The following MCTP2 variants were observed in gnomAD, a reference collection of about 807,000 sequenced individuals.
MCTP2 encodes the protein multiple C2 and transmembrane domain containing 2.
A neutral mutation model predicts 111.6 loss-of-function variants in MCTP2; 132 were observed. The observed-to-expected ratio is 1.18, with a 90% CI of 1.03 to 1.37. The LOEUF (loss-of-function observed/expected upper bound fraction) is 1.37. Among genes scored for constraint, MCTP2 ranks in the 40% most tolerant of loss-of-function variants. The pLI is 0.00. For missense variants in MCTP2, 1,183 were observed against 1,067.9 expected, an observed-to-expected ratio of 1.11 and a Z score of -1.50; for synonymous variants, 395 against 387.7, an observed-to-expected ratio of 1.02 and a Z score of -0.22.
intron 4 of MCTP2, among the ~76,000 whole-genome samples, chr15:94,318,897 C>G (rs1236358957): frequency 6.6e-6 from 1 of 152,192 alleles, no homozygotes; most frequent in Non-Finnish European, 1.5e-5. Context: ...TCATCACAGT[C>G]AAAACATCAT....
chr15:94,248,524 G>C (rs1183996748), intron 1 of MCTP2, among the ~76,000 whole-genome samples: 3 of 152,166 alleles, frequency 2.0e-5, no homozygotes, highest in Non-Finnish European at 4.4e-5. Context: ...CTTTGGCCAG[G>C]CTTGCTTTAA....
chr15:94,337,130 C>G (rs751776027), intron 4 of MCTP2, among the ~76,000 whole-genome samples: 7 of 152,124 alleles, frequency 4.6e-5, no homozygotes, highest in Admixed American at 1.3e-4. Flanking sequence ...CACTTAGGCT[C>G]AGAGAGAAAA....
At chr15:94,232,335 G>T (rs549950484) in intron 1 of MCTP2, among the ~76,000 whole-genome samples, 51 of 152,202 alleles carry the variant, frequency 3.4e-4, no homozygotes, top group African/African-American at 1.2e-3. Context: ...ATGAACTTCT[G>T]TGCGATGCTG....
At chr15:94,365,011 TA>T (rs1166890492) in intron 10 of MCTP2, among the ~76,000 whole-genome samples, 1 of 152,186 alleles carries the variant, frequency 6.6e-6, no homozygotes, top group African/African-American at 2.4e-5. Flanking sequence ...AGAATGTTTA[TA>T]AAAAGTCATC....
intron 8 of MCTP2, among the ~76,000 whole-genome samples, chr15:94,353,927 T>G (rs760388929): frequency 3.3e-5 from 5 of 152,082 alleles, no homozygotes; most frequent in Non-Finnish European, 5.9e-5. Context: ...TGTGATGGTG[T>G]CTGTTTATGA....
intron 1 of MCTP2, among the ~76,000 whole-genome samples, chr15:94,240,425 C>A (rs1567243763): frequency 6.6e-6 from 1 of 152,214 alleles, no homozygotes; most frequent in South Asian, 2.1e-4. Flanking sequence ...TGTTTTGCAT[C>A]CCAGGGAAAT....
Position 94,384,020 on chromosome 15 carries a change from A to G in MCTP2, c.1583-2A>G. ...TGACCGATGTGTATGTTATCTTTCC[A>G]GGGAAGAGTGACCCATTTTGCTTGT... On this transcript the variant is annotated splice_acceptor_variant, in intron 12 of 22. Coordinates refer to ENST00000357742, the MANE Select transcript of MCTP2 (RefSeq NM_001385001.1). LOFTEE classifies it high-confidence loss of function. 1.2e-6 allele frequency: 2 copies of G among 1,607,664 alleles called. No homozygotes were observed. Among genetic ancestry groups the G allele is most frequent in the Non-Finnish European group, 1.7e-6 (2 of 1,174,320 alleles).
intron 1 of MCTP2, among the ~76,000 whole-genome samples, chr15:94,249,241 T>C (rs2072229558): frequency 6.6e-6 from 1 of 152,250 alleles, no homozygotes; most frequent in African/African-American, 2.4e-5. Context: ...AAACTATATG[T>C]GGACTTTCCT....
At chr15:94,443,321 T>C (rs1299679035) in intron 19 of MCTP2, among the ~76,000 whole-genome samples, 1 of 152,240 alleles carries the variant, frequency 6.6e-6, no homozygotes, top group Non-Finnish European at 1.5e-5. Flanking sequence ...GTCTGCACTC[T>C]GTGGGGTGGT....
At chr15:94,258,299 C>G (rs964758475) in intron 1 of MCTP2, among the ~76,000 whole-genome samples, 1 of 152,116 alleles carries the variant, frequency 6.6e-6, no homozygotes, top group Non-Finnish European at 1.5e-5. Context: ...TTATGGTAAA[C>G]AGATTTATTT....
intron 1 of MCTP2, among the ~76,000 whole-genome samples, chr15:94,263,328 A>G (rs2073310648): frequency 6.6e-6 from 1 of 152,212 alleles, no homozygotes; most frequent in African/African-American, 2.4e-5. Context: ...ACACTGAAAT[A>G]GCAAACACTG....
At chr15:94,423,998 G>T (rs2082752430) in intron 17 of MCTP2, among the ~76,000 whole-genome samples, 1 of 152,080 alleles carries the variant, frequency 6.6e-6, no homozygotes, top group African/African-American at 2.4e-5. Flanking sequence ...CCTCCTTCCT[G>T]CTTTGTCCCC....
chr15:94,335,687 G>T (rs1175623613), intron 4 of MCTP2, among the ~76,000 whole-genome samples: 2 of 152,162 alleles, frequency 1.3e-5, no homozygotes, highest in Non-Finnish European at 2.9e-5. Context: ...AATTGGAAAA[G>T]ATATTAATAT....
At chr15:94,255,330 G>C (rs908703463) in intron 1 of MCTP2, among the ~76,000 whole-genome samples, 1 of 152,104 alleles carries the variant, frequency 6.6e-6, no homozygotes, top group Non-Finnish European at 1.5e-5. Context: ...ATGTAGAATG[G>C]AAGATCTCTT....
intron 17 of MCTP2, among the ~76,000 whole-genome samples, chr15:94,421,525 G>A (rs950052745): frequency 1.3e-5 from 2 of 152,166 alleles, no homozygotes; most frequent in Admixed American, 1.3e-4. Context: ...GGATCTAGGG[G>A]AGAATCCCTT....
chr15:94,377,159 G>A (rs1490170295), intron 12 of MCTP2, among the ~76,000 whole-genome samples: 2 of 152,102 alleles, frequency 1.3e-5, no homozygotes, highest in Non-Finnish European at 2.9e-5. Context: ...TGTTCACTGA[G>A]TTTTCAACCA....
At chr15:94,307,663 T>C (rs1003038668) in intron 2 of MCTP2, among the ~76,000 whole-genome samples, 13 of 152,208 alleles carry the variant, frequency 8.5e-5, no homozygotes, top group Non-Finnish European at 1.6e-4. Context: ...AAGGAATCGT[T>C]GGCACACGGG....
chr15:94,313,846 A>G (rs2076258154), intron 2 of MCTP2, among the ~76,000 whole-genome samples: 1 of 152,332 alleles, frequency 6.6e-6, no homozygotes, highest in South Asian at 2.1e-4. Context: ...AATGTCTCTC[A>G]GATCACTCTT....
At chr15:94,242,765 G>A (rs1483380309) in intron 1 of MCTP2, among the ~76,000 whole-genome samples, 2 of 151,342 alleles carry the variant, frequency 1.3e-5, no homozygotes. Context: ...TTTGAGGTCA[G>A]AAAGCGAGTA....
Sources: allele counts gnomAD v4.1 joint callset (sites outside exome capture counted in the v4.1 genomes callset), GRCh38; gene constraint gnomAD v4.1.1; transcripts MANE v1.5; gene names NCBI Gene and HGNC (gene_info 2026-07-23, HGNC 2026-07-21).